ADAP1: variants seen among roughly 807,000 people sequenced by gnomAD.
ADAP1 encodes arf-GAP with dual PH domain-containing protein 1.
In ADAP1, 31 loss-of-function variants were observed where a neutral mutation model predicts 54.9. The ratio of observed to expected loss-of-function variants is 0.56; its 90% CI spans 0.42 to 0.76. The LOEUF is 0.76. Ranked by LOEUF, ADAP1 falls within the 30% of genes least tolerant of loss-of-function variation. ADAP1 has a pLI of 0.00. For synonymous variants in ADAP1, 313 were observed against 202.6 expected, an observed-to-expected ratio of 1.55 and a Z score of -4.63; for missense variants, 535 against 512.4, an observed-to-expected ratio of 1.04 and a Z score of -0.42.
chr7:907,741 C>G (rs1215396278), intron 4 of ADAP1, among the ~76,000 whole-genome samples: 1 of 152,234 alleles, frequency 6.6e-6, no homozygotes, highest in Non-Finnish European at 1.5e-5. Context: ...TCCTGGGCTC[C>G]GTCTGCCAGG....
chr7:915,451 C>T (rs895194882), intron 4 of ADAP1, among the ~76,000 whole-genome samples: 1 of 152,216 alleles, frequency 6.6e-6, no homozygotes, highest in East Asian at 1.9e-4. Flanking sequence ...GTATGAGAAG[C>T]GGCCATTCAC....
chr7:946,259 C>T lies in ADAP1; in HGVS notation c.82+8137G>A, dbSNP rs559222307. On this transcript the variant is annotated intron_variant, in intron 1 of 10. Coordinates refer to ENST00000265846, the MANE Select transcript of ADAP1 (RefSeq NM_006869.4). This position sits in a 1 kb window ranked among gnomAD's most constrained non-coding sequence, Gnocchi z 4.3. ...TGCAGGGATCCAGGCTCCCGCCGGCCGGTGGATCCCCGCCAGCGAGGCAGT... is the reference window on the plus strand; with the variant it reads ...TGCAGGGATCCAGGCTCCCGCCGGCTGGTGGATCCCCGCCAGCGAGGCAGT... 2.0e-4 allele frequency among the ~76,000 whole-genome samples: 30 copies of T among 152,314 alleles called. No individual in the cohort carries two copies. Among genetic ancestry groups the T allele is most frequent in the Admixed American group, 1.6e-3 (25 of 15,306 alleles).
intron 9 of ADAP1, 46 bp downstream of exon 9, chr7:899,373 A>T: frequency 6.2e-7 from 1 of 1,609,782 alleles, no homozygotes. Flanking sequence ...TGGCAACCCC[A>T]GCCAGTGAGC....
intron 5 of ADAP1, among the ~76,000 whole-genome samples, chr7:904,759 T>C (rs567665035): frequency 1.3e-5 from 2 of 152,350 alleles, no homozygotes; most frequent in African/African-American, 4.8e-5. Context: ...TCTGGGGTCC[T>C]GGCTGGCTCC....
intron 4 of ADAP1, among the ~76,000 whole-genome samples, chr7:909,864 G>C (rs544571895): frequency 6.6e-6 from 1 of 152,046 alleles, no homozygotes; most frequent in Non-Finnish European, 1.5e-5. Flanking sequence ...GGGGTGGGGG[G>C]GGTTCTACTG....
At chr7:908,855 G>T (rs978074127) in intron 4 of ADAP1, among the ~76,000 whole-genome samples, 2 of 152,164 alleles carry the variant, frequency 1.3e-5, no homozygotes, top group African/African-American at 4.8e-5. Flanking sequence ...CGACAAGTTT[G>T]GGCCACCTCG....
chr7:910,466 G>C (rs569179989), intron 4 of ADAP1, among the ~76,000 whole-genome samples: 1 of 152,218 alleles, frequency 6.6e-6, no homozygotes, highest in Admixed American at 6.5e-5. Flanking sequence ...GCCCAGGCTG[G>C]TCTCGAACTT....
At chr7:904,950 G>GA in intron 5 of ADAP1, 110 bp downstream of exon 5, 1 of 810,538 alleles carries the variant, frequency 1.2e-6, no homozygotes. Context: ...CATCGGGGGG[G>GA]GCAGCAGGGA....
At chr7:947,477 C>T (rs1159004534) in intron 1 of ADAP1, among the ~76,000 whole-genome samples, 2 of 152,094 alleles carry the variant, frequency 1.3e-5, no homozygotes, top group Non-Finnish European at 2.9e-5. Context: ...GCCACCGTGG[C>T]TTCTCACAGA....
intron 2 of ADAP1, among the ~76,000 whole-genome samples, chr7:932,155 G>C (rs1014007135): frequency 3.3e-5 from 5 of 152,210 alleles, no homozygotes; most frequent in African/African-American, 1.2e-4. Context: ...AATGGGGATG[G>C]AATCTCCTTG....
At chr7:907,389 A>T (rs4722406) in intron 4 of ADAP1, among the ~76,000 whole-genome samples, 1 of 152,038 alleles carries the variant, frequency 6.6e-6, no homozygotes, top group Non-Finnish European at 1.5e-5. Flanking sequence ...GCCCAGGAGC[A>T]CCAGGGAGAG....
chr7:899,280 C>T lies in ADAP1; in HGVS notation c.868-19G>A. The T allele has an allele frequency of 6.2e-7, 1 of 1,612,136 alleles. No individual in the cohort carries two copies. Among genetic ancestry groups the T allele is most frequent in the South Asian group, 1.1e-5 (1 of 91,068 alleles). On this transcript the variant is annotated intron_variant, in intron 9 of 10. Transcript: ENST00000265846. ...AGGCGTCCTGTGGGTGGGGACCGCA[C>T]TGGAGGCGGGGCCATGTCCCTTCCA...
chr7:902,475 A>AAAATGCCTGGGCGTG (rs1491159593), intron 6 of ADAP1, among the ~76,000 whole-genome samples: 21 of 142,368 alleles, frequency 1.5e-4, no homozygotes, highest in South Asian at 2.2e-4. Context: ...AAAAAAAGAA[A>AAAATGCCTGGGCGTG]GAAAAGAAAG....
chr7:905,317 A>AGAGACGGACGGG (rs1554271676), intron 4 of ADAP1, 145 bp from the exon 5 acceptor site: 2 of 400,592 alleles, frequency 5.0e-6, no homozygotes, highest in Non-Finnish European at 9.0e-6. Context: ...ACGGACGGGG[A>AGAGACGGACGGG]GAGGGGACAT....
chr7:911,514 G>A (rs1845721203), intron 4 of ADAP1, among the ~76,000 whole-genome samples: 2 of 151,976 alleles, frequency 1.3e-5, no homozygotes, highest in South Asian at 2.1e-4. Context: ...CCTGACTCCT[G>A]TAAGACAAAC....
chr7:916,120 G>A (rs1368369019), intron 4 of ADAP1, among the ~76,000 whole-genome samples: 3 of 152,224 alleles, frequency 2.0e-5, no homozygotes, highest in Non-Finnish European at 4.4e-5. Flanking sequence ...CGACCAGTCA[G>A]AGGTGACGAG....
At chr7:934,396 G>T (rs1373083910) in intron 2 of ADAP1, among the ~76,000 whole-genome samples, 2 of 151,970 alleles carry the variant, frequency 1.3e-5, no homozygotes, top group East Asian at 1.9e-4. Context: ...GGAGAGGGGG[G>T]GCCCAGGGTC....
At position 904,147 on chromosome 7, in the gene ADAP1, G is replaced by A. The variant is rs909811133; in HGVS notation, c.627C>T (p.Phe209=). 23 of 1,612,604 alleles carry A rather than the reference G, an allele frequency of 1.4e-5. No individual in the cohort carries two copies. The highest frequency in any genetic ancestry group is 1.9e-5 in the Non-Finnish European group (22 of 1,179,864). ...YLKDNSTRNI[F]IYHEDGKEIV... ...CCACCTTCCCGTCCTCATGGTAGAT[G>A]AAGATGTTACGGGTGCTGTTGTCCT... Residue 209 remains phenylalanine (F), a synonymous_variant, in exon 6 of 11, where the codon TTC becomes TTT. Transcript: ENST00000265846.
intron 4 of ADAP1, among the ~76,000 whole-genome samples, chr7:906,662 G>GGAGAAAGGA (rs1845405950): frequency 1.7e-5 from 2 of 115,988 alleles, no homozygotes; most frequent in African/African-American, 7.9e-5. Context: ...AAAGGGGGCG[G>GGAGAAAGGA]GAAAGGGGAC....
Sources: gnomAD v4.1 joint callset for allele counts (sites outside exome capture counted in the v4.1 genomes callset) on GRCh38, gnomAD v4.1.1 for gene constraint, Gnocchi (gnomAD v3.1) non-coding constraint, MANE v1.5 for transcripts, NCBI Gene and HGNC (gene_info 2026-07-23, HGNC 2026-07-21) for gene names.